SLC10A6: variants seen among roughly 807,000 people sequenced by gnomAD.
SLC10A6 encodes sodium-dependent organic anion transporter.
A neutral mutation model predicts 30.0 loss-of-function variants in SLC10A6; 27 were observed. The observed-to-expected ratio is 0.90, with a 90% CI of 0.66 to 1.24. The LOEUF (loss-of-function observed/expected upper bound fraction) is 1.24, where lower values mean the gene tolerates loss of function less well. Ranked by LOEUF, SLC10A6 falls within the 50% of genes most tolerant of loss-of-function variation. The probability of loss-of-function intolerance (pLI) is 0.00; values close to 1 mark genes in which losing one functional copy is unlikely to be tolerated. For synonymous variants in SLC10A6, 166 were observed against 173.8 expected (o/e 0.95, Z 0.36); for missense variants, 439 against 457.0 (o/e 0.96, Z 0.36).
At chr4:86,840,518 C>CTACTTTT (rs1228603470) in intron 1 of SLC10A6, among the ~76,000 whole-genome samples, 219 of 152,096 alleles carry the variant, frequency 1.4e-3, no homozygotes, top group African/African-American at 5.1e-3. Context: ...ATATTGTCTT[C>CTACTTTT]TACTTTTTAC....
chr4:86,830,495 T>C (rs1479338393), intron 3 of SLC10A6, among the ~76,000 whole-genome samples: 1 of 152,242 alleles, frequency 6.6e-6, no homozygotes. Flanking sequence ...GTGTGCACTA[T>C]TGATGTTAAA....
At position 86,849,258 on chromosome 4, in the gene SLC10A6, T is replaced by C. The variant is rs1746444808; in HGVS notation, c.-143A>G. On this transcript the variant is annotated 5_prime_UTR_variant, in exon 1 of 6. It removes an upstream start codon present in the reference 5' UTR. Coordinates refer to ENST00000273905, the MANE Select transcript of SLC10A6 (RefSeq NM_197965.3). ...AACTGTTGGCCAGCAAGGTGATTCA[T>C]CCTAATCTGATCAATTTTTTCACAA... The C allele has an allele frequency of 2.1e-6, 2 of 952,874 alleles. No individual in the cohort carries two copies. The highest frequency in any genetic ancestry group is 2.5e-5 in the East Asian group (1 of 40,744). The allele number at this position is 952,874 out of a possible 1,614,324, so 59.0% of individuals were successfully genotyped here.
In SLC10A6 at chr4:86,824,577, T is replaced by TA. The variant is rs201485754; in HGVS notation, c.920-676_920-675insT. On this transcript the variant is annotated intron_variant, in intron 5 of 5. Coordinates refer to ENST00000273905, the MANE Select transcript of SLC10A6 (RefSeq NM_197965.3). ...ATATATGTGTATGTGAACATATATA[T>TA]TTTTTTTTTTCTTTTTCGACTTTTA... 2.9e-3 allele frequency among the ~76,000 whole-genome samples: 202 copies of TA among 69,094 alleles called. 1 individual carries two copies. Among genetic ancestry groups the TA allele is most frequent in the African/African-American group, 0.012 (154 of 12,918 alleles). 45.3% of individuals were successfully genotyped at this position (69,094 alleles called of 152,430 possible). A position where few individuals can be genotyped will look rare whatever the true frequency, so the allele number is the denominator to read the frequency against.
In SLC10A6 at chr4:86,849,079, C is replaced by T. The variant is rs1381361355; in HGVS notation, c.37G>A (p.Ala13Thr). The stretch of plus-strand genomic sequence containing the variant: ...GGCAGCTCCTCCTCTGAACTGTTGG[C>T]AGGGCAGGCTGAGCTGCTGGAACAA... ...ANCSSSSACP[A>T]NSSEEELPVG... The change falls in exon 1 of 6, where the codon GCC becomes ACC. Residue 13 changes from alanine (A) to threonine (T), a missense_variant. Physicochemically the swap from Ala to Thr is moderately conservative, Grantham distance 58. Coordinates refer to ENST00000273905, the MANE Select transcript of SLC10A6 (RefSeq NM_197965.3). 3 of 1,613,848 alleles carry T rather than the reference C, an allele frequency of 1.9e-6. No individual in the cohort carries two copies. The highest frequency in any genetic ancestry group is 2.5e-6 in the Non-Finnish European group (3 of 1,179,948).
chr4:86,837,221 GAGAGAGAA>G (rs1462354653), intron 1 of SLC10A6, among the ~76,000 whole-genome samples: 272 of 78,414 alleles, frequency 3.5e-3, no homozygotes, highest in Admixed American at 5.0e-3. Context: ...GAGAGAGAGA[GAGAGAGAA>G]AGAAAGAAAG....
At chr4:86,838,048 A>G (rs369640793) in intron 1 of SLC10A6, among the ~76,000 whole-genome samples, 42 of 152,352 alleles carry the variant, frequency 2.8e-4, no homozygotes, top group African/African-American at 9.9e-4. Context: ...TAATACGTCT[A>G]TGACTACTTT....
chr4:86,842,792 T>TTC (rs1393613579), intron 1 of SLC10A6, among the ~76,000 whole-genome samples: 1 of 3,720 alleles, frequency 2.7e-4, no homozygotes, highest in South Asian at 0.01. Flanking sequence ...CCTCTTTTCT[T>TTC]TCTTTCTTTC....
intron 3 of SLC10A6, 114 bp from the exon 4 acceptor site, chr4:86,828,282 G>T (rs1265929014): frequency 8.9e-7 from 1 of 1,128,396 alleles, no homozygotes; most frequent in African/African-American, 1.6e-5. Flanking sequence ...ACAAAGAAGG[G>T]ACTTAGAGAT....
intron 2 of SLC10A6, among the ~76,000 whole-genome samples, chr4:86,832,250 A>G (rs963312304): frequency 6.6e-6 from 1 of 152,190 alleles, no homozygotes; most frequent in Non-Finnish European, 1.5e-5. Context: ...ACTATGGGCC[A>G]TGGGTTGTAA....
At chr4:86,835,728 G>GAAGA (rs61441755) in intron 1 of SLC10A6, among the ~76,000 whole-genome samples, 21,517 of 146,930 alleles carry the variant, frequency 0.15, 2,334 homozygotes, top group African/African-American at 0.31. Flanking sequence ...AAGAAAAGGA[G>GAAGA]AAGAAAGAAA....
chr4:86,842,805 T>C (rs1250977218), intron 1 of SLC10A6, among the ~76,000 whole-genome samples: 1 of 9,316 alleles, frequency 1.1e-4, no homozygotes, highest in Non-Finnish European at 1.7e-4. Context: ...TTTCTTTCTT[T>C]CTTTCTTTCT....
intron 1 of SLC10A6, among the ~76,000 whole-genome samples, chr4:86,843,414 G>C (rs1269649582): frequency 1.3e-5 from 2 of 152,140 alleles, no homozygotes; most frequent in East Asian, 3.9e-4. Flanking sequence ...GGACAGACAA[G>C]AGAAACATTT....
intron 1 of SLC10A6, among the ~76,000 whole-genome samples, chr4:86,837,286 A>AGGAAGGAAGGAAGG (rs1560460365): frequency 1.3e-5 from 1 of 78,484 alleles, no homozygotes; most frequent in South Asian, 4.5e-4. Context: ...AAAGAAAGAA[A>AGGAAGGAAGGAAGG]AAGAAAGGAA....
intron 1 of SLC10A6, among the ~76,000 whole-genome samples, chr4:86,840,290 C>T (rs1746269411): frequency 1.3e-5 from 2 of 152,098 alleles, no homozygotes; most frequent in South Asian, 4.1e-4. Flanking sequence ...CCTCTCTAAA[C>T]AATCTTGCTT....
At chr4:86,829,921 C>T (rs1746051901) in intron 3 of SLC10A6, among the ~76,000 whole-genome samples, 1 of 152,142 alleles carries the variant, frequency 6.6e-6, no homozygotes, top group Admixed American at 6.5e-5. Flanking sequence ...GATAGAGGAG[C>T]TGGAAAACTC....
rs190645675 is a variant in SLC10A6, at chr4:86,835,144, A to G, written c.378-1720T>C. On this transcript the variant is annotated intron_variant, in intron 1 of 5. Coordinates refer to ENST00000273905, the MANE Select transcript of SLC10A6 (RefSeq NM_197965.3). ...CACAAAGCTGACTGAACGCCTGCCCAGTATGAAGTGTTAATAAATATCTGT... is the reference window on the plus strand; with the variant it reads ...CACAAAGCTGACTGAACGCCTGCCCGGTATGAAGTGTTAATAAATATCTGT... Among the ~76,000 whole-genome samples the G allele has an allele frequency of 2.0e-5, 3 of 152,346 alleles. No homozygotes were observed. The East Asian group carries it at 5.8e-4, about 29-fold the overall frequency.
intron 1 of SLC10A6, among the ~76,000 whole-genome samples, chr4:86,843,452 G>A (rs183366537): frequency 6.6e-6 from 1 of 152,130 alleles, no homozygotes; most frequent in African/African-American, 2.4e-5. Context: ...GAGAAACTAC[G>A]GTAGAGGAAG....
At chr4:86,828,649 C>A (rs1410628464) in intron 3 of SLC10A6, among the ~76,000 whole-genome samples, 2 of 151,992 alleles carry the variant, frequency 1.3e-5, no homozygotes, top group Admixed American at 6.6e-5. Context: ...GATCCCTGTC[C>A]TTCTCCCCTC....
At chr4:86,833,552 T>A in intron 1 of SLC10A6, 128 bp from the exon 2 acceptor site, 1 of 624,274 alleles carries the variant, frequency 1.6e-6, no homozygotes, top group East Asian at 2.7e-5. Flanking sequence ...GGAGCTCATT[T>A]CTCTCCCGTT....
Sources: allele counts gnomAD v4.1 joint callset (sites outside exome capture counted in the v4.1 genomes callset), GRCh38; gene constraint gnomAD v4.1.1; transcripts MANE v1.5; gene names NCBI Gene and HGNC (gene_info 2026-07-23, HGNC 2026-07-21).